INO80: variants seen among roughly 807,000 people sequenced by gnomAD.
INO80 encodes chromatin-remodeling ATPase INO80.
Under a neutral mutation model 203.4 loss-of-function variants are expected in INO80, and 20 were observed. The observed-to-expected ratio is 0.10, with a 90% CI of 0.07 to 0.14. INO80 has a LOEUF of 0.14. Ranked by LOEUF, INO80 falls within the 10% of genes least tolerant of loss-of-function variation. The pLI, the probability that INO80 is intolerant of heterozygous loss-of-function variation, is 1.00. For synonymous variants in INO80, 726 were observed against 685.2 expected (o/e 1.06, Z -0.93); for missense variants, 1,419 against 1,914.4 (o/e 0.74, Z 4.83).
intron 29 of INO80, among the ~76,000 whole-genome samples, chr15:40,992,488 T>C (rs999700700): frequency 3.9e-5 from 6 of 152,228 alleles, no homozygotes; most frequent in African/African-American, 1.2e-4. Context: ...TTCTCAATCA[T>C]AAGACATTAG....
At chr15:41,021,418 T>C (rs938936565) in intron 25 of INO80, among the ~76,000 whole-genome samples, 2 of 152,222 alleles carry the variant, frequency 1.3e-5, no homozygotes, top group Non-Finnish European at 2.9e-5. Context: ...TATATGCATA[T>C]ATATCTGATC....
chr15:41,025,767 G>C (rs2044366539), intron 25 of INO80, among the ~76,000 whole-genome samples: 1 of 152,036 alleles, frequency 6.6e-6, no homozygotes, highest in South Asian at 2.1e-4. Context: ...CTGGGAACAG[G>C]AGAAGTTAAA....
chr15:41,013,514 C>T (rs953309655), intron 27 of INO80, among the ~76,000 whole-genome samples: 7 of 152,150 alleles, frequency 4.6e-5, no homozygotes, highest in Non-Finnish European at 1.0e-4. Context: ...GCTGCACCAT[C>T]TCAAGTCGTA....
At chr15:40,988,178 A>G (rs1469069929) in intron 29 of INO80, among the ~76,000 whole-genome samples, 1 of 152,088 alleles carries the variant, frequency 6.6e-6, no homozygotes, top group South Asian at 2.1e-4. Flanking sequence ...CTCCTGTTTT[A>G]TTTTTTTCAG....
chr15:41,060,881 C>T (rs12101934), intron 14 of INO80, among the ~76,000 whole-genome samples: 81,417 of 152,142 alleles, frequency 0.54, 24,884 homozygotes, highest in African/African-American at 0.85. Context: ...ATCTCTATAG[C>T]TTTTCCTATA....
intron 29 of INO80, among the ~76,000 whole-genome samples, chr15:40,995,512 T>C (rs1054650263): frequency 3.3e-5 from 5 of 152,214 alleles, no homozygotes; most frequent in African/African-American, 7.2e-5. Flanking sequence ...TTATACTTTA[T>C]TTTATAATTG....
At chr15:41,094,629 A>G (rs2045693660) in intron 4 of INO80, among the ~76,000 whole-genome samples, 1 of 152,186 alleles carries the variant, frequency 6.6e-6, no homozygotes, top group South Asian at 2.1e-4. Context: ...AACTTATGGA[A>G]GTTATGGAAT....
chr15:40,994,876 T>A (rs1049662647), intron 29 of INO80, among the ~76,000 whole-genome samples: 5 of 152,056 alleles, frequency 3.3e-5, no homozygotes, highest in African/African-American at 1.2e-4. Flanking sequence ...GAACAAACTG[T>A]TCCAGGTACT....
chr15:41,000,352 G>A (rs1041251608), intron 28 of INO80, among the ~76,000 whole-genome samples: 1 of 152,066 alleles, frequency 6.6e-6, no homozygotes, highest in African/African-American at 2.4e-5. Context: ...GGTGGGAAAA[G>A]ACAAGGCATT....
chr15:41,113,537 G>A (rs538409480), intron 1 of INO80, among the ~76,000 whole-genome samples: 1 of 152,224 alleles, frequency 6.6e-6, no homozygotes, highest in Non-Finnish European at 1.5e-5. Context: ...CAAAGTGCAG[G>A]GATTACAGGC....
At chr15:41,047,694 G>A (rs1263596359) in intron 22 of INO80, among the ~76,000 whole-genome samples, 193 bp from the exon 23 acceptor site, 2 of 152,188 alleles carry the variant, frequency 1.3e-5, no homozygotes, top group African/African-American at 4.8e-5. Flanking sequence ...AGGCCTATGA[G>A]ATATGGCATA....
intron 29 of INO80, among the ~76,000 whole-genome samples, chr15:40,996,441 C>T (rs1267498370): frequency 1.3e-5 from 2 of 152,108 alleles, no homozygotes; most frequent in African/African-American, 4.8e-5. Context: ...TCCTGCCTCA[C>T]CTCCCGAGTA....
At position 41,111,758 on chromosome 15, in the gene INO80, A is replaced by G. The variant is rs537955058; in HGVS notation, c.-44+4215T>C. Among the ~76,000 whole-genome samples, 408 of 151,648 alleles carry G rather than the reference A, an allele frequency of 2.7e-3. 3 individuals are homozygous for G. Among genetic ancestry groups the G allele is most frequent in the South Asian group, 0.013 (62 of 4,800 alleles). On this transcript the variant is annotated intron_variant, in intron 1 of 35. Coordinates refer to ENST00000648947, the MANE Select transcript of INO80 (RefSeq NM_017553.3). ...GCGGAGGTTGCAGTGAGCTGAGATC[A>G]CGCCACTGTACTCCAGCCTGGGCTA...
rs768209258 is a variant in INO80, at chr15:41,020,924, C to T, written c.3250G>A (p.Gly1084Ser). ...GGLWSIRPQN[G>S]WSFIRIPGKE... Reference sequence around the variant, plus strand: ...CCTGGAATCCTGATGAAAGACCAGCCATTCTGAGGTCTGATGCTCCACAGA... The same window carrying T: ...CCTGGAATCCTGATGAAAGACCAGCTATTCTGAGGTCTGATGCTCCACAGA... The change falls in exon 26 of 36, where the codon GGC (glycine) becomes AGC (serine). Residue 1084 changes from glycine to serine, a missense_variant. Transcript: ENST00000648947. 1.2e-6 allele frequency: 2 copies of T among 1,612,726 alleles called. No individual in the cohort carries two copies. Among genetic ancestry groups the T allele is most frequent in the Non-Finnish European group, 1.7e-6 (2 of 1,178,846 alleles).
chr15:41,021,318 T>G (rs989233310), intron 25 of INO80, among the ~76,000 whole-genome samples, 193 bp from the exon 26 acceptor site: 5 of 152,216 alleles, frequency 3.3e-5, no homozygotes, highest in Non-Finnish European at 5.9e-5. Context: ...AGCCAACCTC[T>G]TATAAAATGA....
chr15:41,002,762 G>A (rs1368204999), intron 28 of INO80, among the ~76,000 whole-genome samples: 1 of 152,120 alleles, frequency 6.6e-6, no homozygotes, highest in Non-Finnish European at 1.5e-5. Flanking sequence ...CTATTCAATA[G>A]AAAAGTGGTA....
intron 29 of INO80, among the ~76,000 whole-genome samples, chr15:40,990,122 A>G (rs962022379): frequency 4.6e-5 from 7 of 152,156 alleles, no homozygotes; most frequent in African/African-American, 1.7e-4. Flanking sequence ...TAAAAAAAAA[A>G]AAATCCTATG....
intron 24 of INO80, among the ~76,000 whole-genome samples, chr15:41,032,379 T>G (rs574006626): frequency 6.6e-6 from 1 of 152,302 alleles, no homozygotes; most frequent in East Asian, 1.9e-4. Flanking sequence ...ATGGATATTT[T>G]AAGCATCCAA....
intron 1 of INO80, among the ~76,000 whole-genome samples, chr15:41,099,790 A>C (rs976884202): frequency 1.3e-5 from 2 of 151,998 alleles, no homozygotes; most frequent in African/African-American, 4.8e-5. Context: ...AAAAAAAAAA[A>C]ACTTTAAATT....
Sources: gnomAD v4.1 joint callset for allele counts (sites outside exome capture counted in the v4.1 genomes callset) on GRCh38, gnomAD v4.1.1 for gene constraint, MANE v1.5 for transcripts, NCBI Gene and HGNC (gene_info 2026-07-23, HGNC 2026-07-21) for gene names.